The following KCNH1 variants were observed in gnomAD, a reference collection of about 807,000 sequenced individuals.
KCNH1 encodes the protein potassium voltage-gated channel subfamily H member 1.
Under a neutral mutation model 69.2 loss-of-function variants are expected in KCNH1, and 27 were observed. The observed-to-expected ratio is 0.39, with a 90% CI of 0.29 to 0.54. The LOEUF is 0.54. Among genes scored for constraint, KCNH1 ranks in the 20% least tolerant of loss-of-function variants. The pLI is 0.68. For missense variants in KCNH1, 798 were observed against 1,261.6 expected (o/e 0.63, Z 5.57); for synonymous variants, 456 against 487.7 (o/e 0.93, Z 0.86).
intron 6 of KCNH1, among the ~76,000 whole-genome samples, chr1:210,948,045 T>TA (rs34741110): frequency 0.47 from 65,873 of 139,500 alleles, 15,504 homozygotes; most frequent in African/African-American, 0.59. Context: ...CCATCCCTAT[T>TA]AAAAAAAAAA....
chr1:210,979,288 TAC>T (rs1210676351), intron 6 of KCNH1, among the ~76,000 whole-genome samples: 2 of 152,212 alleles, frequency 1.3e-5, no homozygotes, highest in Non-Finnish European at 2.9e-5. Context: ...CAGCAAGTCA[TAC>T]AGTTATTTAA....
chr1:210,959,130 A>T (rs981144980), intron 6 of KCNH1, among the ~76,000 whole-genome samples: 2 of 152,116 alleles, frequency 1.3e-5, no homozygotes, highest in East Asian at 3.9e-4. Flanking sequence ...TATTGATGTT[A>T]TTCCTTTCTG....
At chr1:210,758,183 A>G (rs550790418) in intron 10 of KCNH1, among the ~76,000 whole-genome samples, 3 of 152,306 alleles carry the variant, frequency 2.0e-5, no homozygotes, top group African/African-American at 4.8e-5. Context: ...TTGAGAGTTT[A>G]GAGACATTGT....
At chr1:210,747,459 T>G (rs1683184890) in intron 10 of KCNH1, among the ~76,000 whole-genome samples, 1 of 152,154 alleles carries the variant, frequency 6.6e-6, no homozygotes, top group Admixed American at 6.5e-5. Context: ...AAGGGAAGGG[T>G]GCATAATATT....
chr1:210,772,811 G>T (rs1683777675), intron 10 of KCNH1, among the ~76,000 whole-genome samples: 1 of 152,026 alleles, frequency 6.6e-6, no homozygotes. Context: ...GCCAAAATCT[G>T]TCTATAATTT....
chr1:210,736,051 T>G (rs1298200614), intron 10 of KCNH1, among the ~76,000 whole-genome samples: 1 of 152,136 alleles, frequency 6.6e-6, no homozygotes, highest in Non-Finnish European at 1.5e-5. Context: ...CTTTTTTTTT[T>G]AGAGATAGGG....
intron 7 of KCNH1, among the ~76,000 whole-genome samples, chr1:210,874,840 A>C (rs2102499735): frequency 6.6e-6 from 1 of 152,302 alleles, no homozygotes; most frequent in Middle Eastern, 3.4e-3. Context: ...TATACCCCTA[A>C]CATATACACA....
intron 10 of KCNH1, among the ~76,000 whole-genome samples, chr1:210,705,697 T>A (rs1338149607): frequency 6.6e-6 from 1 of 152,212 alleles, no homozygotes; most frequent in Non-Finnish European, 1.5e-5. Flanking sequence ...TCCTGATCTC[T>A]CCTTGGTCTT....
At chr1:210,741,144 G>A (rs1242252854) in intron 10 of KCNH1, among the ~76,000 whole-genome samples, 3 of 152,178 alleles carry the variant, frequency 2.0e-5, no homozygotes, top group African/African-American at 2.4e-5. Flanking sequence ...ACTGGAGTAC[G>A]TATCATCGAG....
intron 1 of KCNH1, among the ~76,000 whole-genome samples, chr1:211,117,898 T>C (rs1357306229): frequency 6.6e-6 from 1 of 152,138 alleles, no homozygotes; most frequent in African/African-American, 2.4e-5. Flanking sequence ...CATGCATCCA[T>C]ATGGAGTAAT....
At chr1:211,123,452 G>C (rs1691722824) in intron 1 of KCNH1, among the ~76,000 whole-genome samples, 1 of 152,156 alleles carries the variant, frequency 6.6e-6, no homozygotes, top group African/African-American at 2.4e-5. Context: ...AGGGAGAACT[G>C]GACAGAAAGA....
At chr1:210,747,324 C>T (rs890785656) in intron 10 of KCNH1, among the ~76,000 whole-genome samples, 1 of 151,956 alleles carries the variant, frequency 6.6e-6, no homozygotes, top group African/African-American at 2.4e-5. Flanking sequence ...TGTGCAGCTG[C>T]TCGGCAACCG....
rs539038489 is a variant in KCNH1, at chr1:210,788,609, A to G, written c.1915+8899T>C. Reference sequence around the variant, plus strand: ...TCTCCGCCTCCACCCTCTCTCAATCAGGTAATGTGTGCACTACCTGATACA... The same window carrying G: ...TCTCCGCCTCCACCCTCTCTCAATCGGGTAATGTGTGCACTACCTGATACA... On this transcript the variant is annotated intron_variant, in intron 9 of 10. Coordinates refer to ENST00000271751, the MANE Select transcript of KCNH1 (RefSeq NM_172362.3). Among the ~76,000 whole-genome samples, 316 of 151,622 alleles carry G rather than the reference A, an allele frequency of 2.1e-3. 1 individual carries two copies. Among genetic ancestry groups the G allele is most frequent in the Non-Finnish European group, 3.5e-3 (241 of 67,920 alleles).
intron 10 of KCNH1, among the ~76,000 whole-genome samples, chr1:210,700,743 G>A (rs1681753338): frequency 6.6e-6 from 1 of 152,172 alleles, no homozygotes; most frequent in African/African-American, 2.4e-5. Context: ...GGTCATGGAT[G>A]TGTTCCAATG....
intron 5 of KCNH1, among the ~76,000 whole-genome samples, chr1:211,074,483 G>A (rs558415208): frequency 6.6e-5 from 10 of 152,104 alleles, no homozygotes; most frequent in South Asian, 2.1e-4. Flanking sequence ...TCCATTGTAC[G>A]TACAGTAATT....
At chr1:210,726,593 G>C (rs1682597087) in intron 10 of KCNH1, among the ~76,000 whole-genome samples, 1 of 152,176 alleles carries the variant, frequency 6.6e-6, no homozygotes, top group Non-Finnish European at 1.5e-5. Flanking sequence ...GACAGAGCCT[G>C]TGCTCCCTTA....
chr1:211,082,963 A>G (rs541180358), intron 4 of KCNH1, 65 bp from the exon 5 acceptor site: 1 of 1,298,940 alleles, frequency 7.7e-7, no homozygotes, highest in African/African-American at 1.5e-5. Flanking sequence ...AGACATTCAC[A>G]TTACAAGTTA....
intron 7 of KCNH1, among the ~76,000 whole-genome samples, chr1:210,903,373 G>A (rs556468193): frequency 6.6e-6 from 1 of 152,264 alleles, no homozygotes; most frequent in Non-Finnish European, 1.5e-5. Context: ...AAATATACTT[G>A]TCAAAGACAG....
chr1:210,991,678 T>C (rs2102389832), intron 6 of KCNH1, among the ~76,000 whole-genome samples: 1 of 152,124 alleles, frequency 6.6e-6, no homozygotes, highest in Middle Eastern at 3.4e-3. Flanking sequence ...GTGTTACATA[T>C]GTTAATTAGC....
Sources: allele counts gnomAD v4.1 joint callset (sites outside exome capture counted in the v4.1 genomes callset), GRCh38; gene constraint gnomAD v4.1.1; transcripts MANE v1.5; gene names NCBI Gene and HGNC (gene_info 2026-07-23, HGNC 2026-07-21).